Variants in SORBS2 observed in about 807,000 individuals in gnomAD.
SORBS2 encodes sorbin and SH3 domain-containing protein 2.
A neutral mutation model predicts 97.7 loss-of-function variants in SORBS2; 46 were observed. The ratio of observed to expected loss-of-function variants is 0.47; its 90% CI spans 0.37 to 0.60. The LOEUF (loss-of-function observed/expected upper bound fraction) is 0.60, where lower values mean the gene tolerates loss of function less well. Among genes scored for constraint, SORBS2 ranks in the 20% least tolerant of loss-of-function variants. The pLI is 0.00. For synonymous variants in SORBS2, 476 were observed against 473.4 expected (o/e 1.01, Z -0.07); for missense variants, 1,316 against 1,282.3 (o/e 1.03, Z -0.40).
chr4:185,670,685 G>A (rs1270004148), intron 4 of SORBS2, among the ~76,000 whole-genome samples: 1 of 151,786 alleles, frequency 6.6e-6, no homozygotes, highest in Non-Finnish European at 1.5e-5. Flanking sequence ...TGCCCGGCTG[G>A]AAGGGGTTTT....
intron 2 of SORBS2, among the ~76,000 whole-genome samples, chr4:185,729,583 C>T: frequency 6.6e-6 from 1 of 152,220 alleles, no homozygotes; most frequent in East Asian, 1.9e-4. Flanking sequence ...TCCAGTCTAA[C>T]ATTTGCTCAG....
intron 1 of SORBS2, among the ~76,000 whole-genome samples, chr4:185,898,985 AT>A (rs747733332): frequency 1.6e-4 from 24 of 148,982 alleles, no homozygotes; most frequent in East Asian, 5.9e-4. Context: ...TCAATGAGAG[AT>A]TTTTTTTTTT....
intron 2 of SORBS2, among the ~76,000 whole-genome samples, chr4:185,765,498 TA>T (rs2098929305): frequency 6.6e-6 from 1 of 152,162 alleles, no homozygotes; most frequent in Non-Finnish European, 1.5e-5. Flanking sequence ...CCAAAATACA[TA>T]AAAAATTGTA....
chr4:185,904,369 C>T (rs2099249486), intron 1 of SORBS2, among the ~76,000 whole-genome samples: 2 of 152,106 alleles, frequency 1.3e-5, no homozygotes, highest in African/African-American at 4.8e-5. Flanking sequence ...CCACCTTACT[C>T]CAGGGGTAGT....
At chr4:185,667,718 A>AAT (rs10694790) in intron 4 of SORBS2, among the ~76,000 whole-genome samples, 7 of 145,708 alleles carry the variant, frequency 4.8e-5, no homozygotes, top group East Asian at 2.0e-4. Flanking sequence ...GTATATATAT[A>AAT]ATATATATTT....
intron 4 of SORBS2, among the ~76,000 whole-genome samples, chr4:185,632,274 AAAGC>A (rs1206898176): frequency 6.6e-6 from 1 of 152,242 alleles, no homozygotes; most frequent in Non-Finnish European, 1.5e-5. Context: ...TCTAGAAACA[AAAGC>A]ATCTCTGCAT....
At chr4:185,650,583 T>C (rs1364614856) in intron 2 of SORBS2, among the ~76,000 whole-genome samples, 1 of 152,204 alleles carries the variant, frequency 6.6e-6, no homozygotes, top group Non-Finnish European at 1.5e-5. Context: ...TTAAAACAGT[T>C]ATAAAAATTC....
At chr4:185,631,650 C>T (rs62334758) in intron 4 of SORBS2, among the ~76,000 whole-genome samples, 60,449 of 151,972 alleles carry the variant, frequency 0.4, 12,206 homozygotes, top group South Asian at 0.52. Flanking sequence ...TTATCCCAGC[C>T]ACGCAGGAGG....
intron 2 of SORBS2, among the ~76,000 whole-genome samples, chr4:185,753,743 G>A (rs2098814361): frequency 6.6e-6 from 1 of 152,168 alleles, no homozygotes; most frequent in African/African-American, 2.4e-5. Flanking sequence ...ATTCTCTGGT[G>A]TTTTTTCTTG....
intron 2 of SORBS2, among the ~76,000 whole-genome samples, chr4:185,695,129 G>A (rs915347235): frequency 1.3e-5 from 2 of 152,124 alleles, no homozygotes; most frequent in Admixed American, 6.6e-5. Flanking sequence ...GGATCCTAAG[G>A]AGTTTGATCC....
At chr4:185,856,399 A>C (rs987401882) in intron 1 of SORBS2, among the ~76,000 whole-genome samples, 1 of 152,198 alleles carries the variant, frequency 6.6e-6, no homozygotes, top group African/African-American at 2.4e-5. Context: ...TAATATGCCT[A>C]CACCTCTGCC....
chr4:185,879,183 C>T lies in SORBS2; in HGVS notation c.-338+77013G>A, dbSNP rs1284389054. Among the ~76,000 whole-genome samples, 3 of 132,932 alleles carry T rather than the reference C, an allele frequency of 2.3e-5. 1 individual carries two copies. The highest frequency in any genetic ancestry group is 1.5e-4 in the Admixed American group (2 of 13,218). The allele number at this position is 132,932 out of a possible 152,430, so 87.2% of individuals were successfully genotyped here. A position where few individuals can be genotyped will look rare whatever the true frequency, so the allele number is the denominator to read the frequency against. On this transcript the variant is annotated intron_variant, in intron 1 of 20. Transcript: ENST00000284776. ...CTATCCCTCCCCCCCCCCCACCCCA[C>T]GACAGGCCCCGGTGTGTGATGTTCC...
At chr4:185,937,332 T>C (rs940899425) in intron 1 of SORBS2, among the ~76,000 whole-genome samples, 12 of 152,214 alleles carry the variant, frequency 7.9e-5, no homozygotes, top group Admixed American at 7.9e-4. Flanking sequence ...AACTTCTGTT[T>C]ATTTACTCTT....
rs147631029 is a variant in SORBS2, at chr4:185,720,239, T to G, written c.-197-41417A>C. ...ATGAGTGAGCAATACACATCTTTTATGTTTAACCTCTGTTAATTTGAATCT... is the reference window on the plus strand; with the variant it reads ...ATGAGTGAGCAATACACATCTTTTAGGTTTAACCTCTGTTAATTTGAATCT... On this transcript the variant is annotated intron_variant, in intron 2 of 20. Transcript: ENST00000284776. Among the ~76,000 whole-genome samples, 307 of 152,384 alleles carry G rather than the reference T, an allele frequency of 2.0e-3. 1 individual carries two copies. Among genetic ancestry groups the G allele is most frequent in the African/African-American group, 7.2e-3 (299 of 41,592 alleles).
intron 12 of SORBS2, among the ~76,000 whole-genome samples, chr4:185,601,005 A>G (rs1224213830): frequency 6.6e-6 from 1 of 152,104 alleles, no homozygotes; most frequent in Non-Finnish European, 1.5e-5. Flanking sequence ...AGCGGACAGG[A>G]TCTGGCAGTG....
chr4:185,939,976 G>C (rs1161599081), intron 1 of SORBS2, among the ~76,000 whole-genome samples: 1 of 152,168 alleles, frequency 6.6e-6, no homozygotes, highest in East Asian at 1.9e-4. Context: ...CCTCTTGGTA[G>C]CATTTGACCC....
intron 1 of SORBS2, among the ~76,000 whole-genome samples, chr4:185,851,783 T>C (rs2099217994): frequency 6.6e-6 from 1 of 152,176 alleles, no homozygotes; most frequent in African/African-American, 2.4e-5. Flanking sequence ...CTTTCTCCCA[T>C]GCTAGATGCT....
chr4:185,828,234 T>A (rs940890039), intron 1 of SORBS2, among the ~76,000 whole-genome samples: 3 of 152,136 alleles, frequency 2.0e-5, no homozygotes, highest in African/African-American at 4.8e-5. Flanking sequence ...GGTGCTGAGA[T>A]AACACCTTCT....
intron 2 of SORBS2, among the ~76,000 whole-genome samples, chr4:185,767,517 AAAG>A (rs201640733): frequency 0.26 from 34,337 of 133,826 alleles, 4,729 homozygotes; most frequent in African/African-American, 0.3. Flanking sequence ...AAAAAAAAAA[AAAG>A]AGAAAGAAAA....
Sources: gnomAD v4.1 joint callset for allele counts (sites outside exome capture counted in the v4.1 genomes callset) on GRCh38, gnomAD v4.1.1 for gene constraint, MANE v1.5 for transcripts, NCBI Gene and HGNC (gene_info 2026-07-23, HGNC 2026-07-21) for gene names.